PLCB1: variants seen among roughly 807,000 people sequenced by gnomAD.
The protein encoded by PLCB1 is 1-phosphatidylinositol 4,5-bisphosphate phosphodiesterase beta-1.
In PLCB1, 46 loss-of-function variants were observed where a neutral mutation model predicts 161.8. The ratio of observed to expected loss-of-function variants is 0.28; its 90% CI spans 0.22 to 0.36. The LOEUF (loss-of-function observed/expected upper bound fraction) is 0.36. PLCB1 is among the 10% of genes least tolerant of loss of function. PLCB1 has a pLI of 1.00. For synonymous variants in PLCB1, 517 were observed against 503.7 expected, an observed-to-expected ratio of 1.03 and a Z score of -0.35; for missense variants, 1,016 against 1,472.5, an observed-to-expected ratio of 0.69 and a Z score of 5.07.
chr20:8,228,702 C>T (rs6055674), intron 2 of PLCB1, among the ~76,000 whole-genome samples: 99,659 of 150,402 alleles, frequency 0.66, 33,009 homozygotes, highest in East Asian at 0.77. Flanking sequence ...ATTTATTTAT[C>T]TATTTGTAGA....
chr20:8,770,640 C>T (rs544417390), intron 26 of PLCB1, among the ~76,000 whole-genome samples: 27 of 152,172 alleles, frequency 1.8e-4, no homozygotes, highest in South Asian at 4.2e-4. Flanking sequence ...TCTGGAAAGG[C>T]GGGACAACTC....
intron 3 of PLCB1, among the ~76,000 whole-genome samples, chr20:8,532,931 T>C (rs139136520): frequency 5.9e-5 from 9 of 152,232 alleles, no homozygotes; most frequent in Non-Finnish European, 8.8e-5. Context: ...GTTACATATG[T>C]ATACATGTGC....
chr20:8,650,142 A>T (rs1168340129), intron 7 of PLCB1, among the ~76,000 whole-genome samples: 2 of 151,714 alleles, frequency 1.3e-5, no homozygotes, highest in Non-Finnish European at 2.9e-5. Context: ...TGTGGTTTCA[A>T]ACTTATTAAC....
intron 2 of PLCB1, among the ~76,000 whole-genome samples, chr20:8,201,849 C>T (rs6055639): frequency 0.25 from 37,318 of 151,986 alleles, 5,095 homozygotes; most frequent in African/African-American, 0.37. Flanking sequence ...AAAATGTTAA[C>T]TTTTTAAATG....
intron 3 of PLCB1, among the ~76,000 whole-genome samples, chr20:8,614,288 AC>A (rs1477977311): frequency 1.3e-5 from 2 of 152,048 alleles, no homozygotes; most frequent in African/African-American, 4.8e-5. Context: ...GCAATTACAC[AC>A]CAGGAATTTA....
intron 3 of PLCB1, among the ~76,000 whole-genome samples, chr20:8,472,447 A>G (rs1405724189): frequency 6.6e-6 from 1 of 152,214 alleles, no homozygotes; most frequent in African/African-American, 2.4e-5. Context: ...CCCCAATATA[A>G]TAAAGCCACC....
chr20:8,788,848 C>G, intron 29 of PLCB1, 126 bp downstream of exon 29: 1 of 640,450 alleles, frequency 1.6e-6, no homozygotes, highest in South Asian at 2.1e-5. Flanking sequence ...GTCAGCCTTT[C>G]AAAAGATTCT....
At chr20:8,626,993 C>T (rs1988369528) in intron 3 of PLCB1, among the ~76,000 whole-genome samples, 1 of 152,100 alleles carries the variant, frequency 6.6e-6, no homozygotes, top group African/African-American at 2.4e-5. Flanking sequence ...TTGATATAGA[C>T]CTCTCCTTTT....
At chr20:8,484,369 T>TTTTTTTTTTTTAAATGGAG (rs1982634053) in intron 3 of PLCB1, among the ~76,000 whole-genome samples, 1 of 151,334 alleles carries the variant, frequency 6.6e-6, no homozygotes, top group Admixed American at 6.6e-5. Context: ...CTTCTTCTTT[T>TTTTTTTTTTTTAAATGGAG]TTTTTTTTTT....
At chr20:8,219,864 A>G (rs1979315493) in intron 2 of PLCB1, among the ~76,000 whole-genome samples, 1 of 152,182 alleles carries the variant, frequency 6.6e-6, no homozygotes. Context: ...ATTATTATTT[A>G]TAAGTAGTAC....
At chr20:8,363,557 C>G (rs763448287) in intron 2 of PLCB1, among the ~76,000 whole-genome samples, 3 of 152,106 alleles carry the variant, frequency 2.0e-5, no homozygotes, top group Non-Finnish European at 2.9e-5. Context: ...TGATTGGGAA[C>G]CTTAATTACA....
In PLCB1 at chr20:8,138,950, T is replaced by A. The variant is rs1435585630; in HGVS notation, c.99+6200T>A. On this transcript the variant is annotated intron_variant, in intron 1 of 31. Transcript: ENST00000338037. ...TAAATCTATGCATTTATCAAGAAAC[T>A]AAATTATTATAAATTGAGTAACAAA... 2.0e-5 allele frequency among the ~76,000 whole-genome samples: 3 copies of A among 147,332 alleles called. No individual in the cohort carries two copies. The Admixed American group carries it at 2.1e-4, about 10-fold the overall frequency.
At chr20:8,282,649 A>G (rs953728345) in intron 2 of PLCB1, among the ~76,000 whole-genome samples, 1 of 152,172 alleles carries the variant, frequency 6.6e-6, no homozygotes. Flanking sequence ...CCACTTGGGT[A>G]AAAAATAAGC....
At chr20:8,261,031 C>G (rs1275924916) in intron 2 of PLCB1, among the ~76,000 whole-genome samples, 2 of 152,164 alleles carry the variant, frequency 1.3e-5, no homozygotes, top group Non-Finnish European at 2.9e-5. Flanking sequence ...TGTTGCAATC[C>G]ATGCTCCAGA....
At chr20:8,244,141 C>T (rs930485138) in intron 2 of PLCB1, among the ~76,000 whole-genome samples, 4 of 151,916 alleles carry the variant, frequency 2.6e-5, no homozygotes, top group South Asian at 2.1e-4. Context: ...ATAACGAGAA[C>T]TCTAGTGCAT....
In PLCB1 at chr20:8,144,747, C is replaced by T. The variant is rs988616160; in HGVS notation, c.100-5547C>T. On this transcript the variant is annotated intron_variant, in intron 1 of 31. Coordinates refer to ENST00000338037, the MANE Select transcript of PLCB1 (RefSeq NM_015192.4). ...TGCCCGTTGCATAGCTGTTTTCCCC[C>T]CAGTGTCTCTATTTGCTGTATTTGG... 3.3e-5 allele frequency among the ~76,000 whole-genome samples: 5 copies of T among 152,272 alleles called. No homozygotes were observed. The South Asian group carries it at 1.0e-3, about 32-fold the overall frequency.
chr20:8,516,469 G>A (rs527667749), intron 3 of PLCB1, among the ~76,000 whole-genome samples: 2 of 152,112 alleles, frequency 1.3e-5, no homozygotes, highest in African/African-American at 4.8e-5. Flanking sequence ...ACAGAAATGA[G>A]TGATCATTTC....
intron 2 of PLCB1, among the ~76,000 whole-genome samples, chr20:8,277,344 T>G (rs548304442): frequency 6.6e-6 from 1 of 152,118 alleles, no homozygotes; most frequent in African/African-American, 2.4e-5. Context: ...TTATTTTAAA[T>G]GAATAGTTAT....
intron 10 of PLCB1, among the ~76,000 whole-genome samples, chr20:8,686,982 G>A (rs1209675731): frequency 6.6e-6 from 1 of 151,252 alleles, no homozygotes; most frequent in Admixed American, 6.6e-5. Context: ...TAAGGCACGA[G>A]TTCACATAAA....
Sources: gnomAD v4.1 joint callset for allele counts (sites outside exome capture counted in the v4.1 genomes callset) on GRCh38, gnomAD v4.1.1 for gene constraint, MANE v1.5 for transcripts, NCBI Gene and HGNC (gene_info 2026-07-23, HGNC 2026-07-21) for gene names.